Variants in PLCH1 observed in about 807,000 individuals in gnomAD.
PLCH1 encodes the protein 1-phosphatidylinositol 4,5-bisphosphate phosphodiesterase eta-1.
In PLCH1, 60 loss-of-function variants were observed where a neutral mutation model predicts 126.7. The ratio of observed to expected loss-of-function variants is 0.47; its 90% CI spans 0.38 to 0.59. PLCH1 has a LOEUF of 0.59. PLCH1 is among the 20% of genes least tolerant of loss of function. The pLI is 0.00. For missense variants in PLCH1, 1,723 were observed against 2,040.0 expected (o/e 0.84, Z 2.99); for synonymous variants, 719 against 734.9 (o/e 0.98, Z 0.35).
Position 155,500,749 on chromosome 3 carries a change from C to T in PLCH1, c.1750G>A (p.Glu584Lys). 6.2e-7 allele frequency: 1 copy of T among 1,613,780 alleles called. No homozygotes were observed. The highest frequency in any genetic ancestry group is 1.1e-5 in the South Asian group (1 of 91,066). Reference sequence around the variant, plus strand: ...TTGCCAGTACTCTGCTGTGTGTCTTCCTCATCATCAGTACTGTAAGATTTA... The same window carrying T: ...TTGCCAGTACTCTGCTGTGTGTCTTTCTCATCATCAGTACTGTAAGATTTA... The part of the protein sequence containing the change: ...RSKSYSTDDE[E>K]DTQQSTGKEG... The change falls in exon 14 of 23, where the codon GAA becomes AAA. Residue 584 changes from glutamate (E) to lysine (K), a missense_variant. By Grantham distance (56) the Glu-to-Lys change is moderately conservative (BLOSUM62 1). This residue lies in a region of PLCH1 where 776 missense variants were observed against 1,062.9 expected (regional missense o/e 0.73). Coordinates refer to ENST00000460012, the MANE Select transcript of PLCH1 (RefSeq NM_014996.4).
chr3:155,535,192 G>A lies in PLCH1; in HGVS notation c.1363-11188C>T, dbSNP rs545688311. Among the ~76,000 whole-genome samples, 4 of 152,338 alleles carry A rather than the reference G, an allele frequency of 2.6e-5. No individual in the cohort carries two copies. The South Asian group carries it at 8.3e-4, about 32-fold the overall frequency. ...CTTTGGGGAGGCTACCAGTAGAACT[G>A]GGGAAAGAATACAGGGAGAAGGAAA... On this transcript the variant is annotated intron_variant, in intron 10 of 22. Transcript: ENST00000460012.
At chr3:155,726,878 C>CTTTTTTT (rs201977097) in intron 1 of PLCH1, among the ~76,000 whole-genome samples, 15 of 133,108 alleles carry the variant, frequency 1.1e-4, no homozygotes, top group Middle Eastern at 3.9e-3. Context: ...TTTCTTTTTT[C>CTTTTTTT]TTTTTTTTTT....
chr3:155,709,388 A>AT (rs1293471063), intron 1 of PLCH1, among the ~76,000 whole-genome samples: 1 of 152,166 alleles, frequency 6.6e-6, no homozygotes, highest in African/African-American at 2.4e-5. Context: ...ATTTTGTATC[A>AT]TTTTGCATTG....
At chr3:155,454,181 G>A (rs1037379872) in intron 21 of PLCH1, among the ~76,000 whole-genome samples, 2 of 152,126 alleles carry the variant, frequency 1.3e-5, no homozygotes, top group African/African-American at 4.8e-5. Flanking sequence ...GCTATCTGAT[G>A]TACACAGAAG....
At chr3:155,544,153 A>G (rs934621650) in intron 10 of PLCH1, among the ~76,000 whole-genome samples, 1 of 152,224 alleles carries the variant, frequency 6.6e-6, no homozygotes. Flanking sequence ...TCTCACGTGC[A>G]GACACACACA....
At chr3:155,682,587 G>A (rs1048403191) in intron 2 of PLCH1, among the ~76,000 whole-genome samples, 8 of 152,176 alleles carry the variant, frequency 5.3e-5, no homozygotes, top group Admixed American at 3.3e-4. Context: ...GCAACTACAG[G>A]AAGGCAGAGA....
At chr3:155,588,340 C>T (rs373311211) in intron 4 of PLCH1, among the ~76,000 whole-genome samples, 1 of 152,022 alleles carries the variant, frequency 6.6e-6, no homozygotes, top group Admixed American at 6.6e-5. Flanking sequence ...AACCGAAGAA[C>T]CAAAAGGGTG....
chr3:155,660,672 C>A (rs1360401537), intron 2 of PLCH1, among the ~76,000 whole-genome samples: 1 of 152,188 alleles, frequency 6.6e-6, no homozygotes, highest in African/African-American at 2.4e-5. Flanking sequence ...CCTAAAATAA[C>A]TTTTCTATCC....
At position 155,468,507 on chromosome 3, in the gene PLCH1, C is replaced by A. The variant is rs114976400; in HGVS notation, c.2938+16849G>T. 6.7e-3 allele frequency among the ~76,000 whole-genome samples: 1,013 copies of A among 152,220 alleles called. 8 individuals carry two copies. The highest frequency in any genetic ancestry group is 0.023 in the African/African-American group (968 of 41,520). ...GCTGTCTACAAGAAACACACTTCAC[C>A]TACACGGACACACATAGACTGAAAA... On this transcript the variant is annotated intron_variant, in intron 21 of 21. Transcript: ENST00000494598.
intron 11 of PLCH1, among the ~76,000 whole-genome samples, chr3:155,521,858 C>T (rs934390942): frequency 6.6e-5 from 10 of 152,168 alleles, no homozygotes; most frequent in African/African-American, 2.2e-4. Context: ...TAAACATTTA[C>T]AGTTAAGGTG....
Position 155,529,425 on chromosome 3 carries a change from C to G in PLCH1, c.1363-5421G>C, listed in dbSNP as rs1046699761. ...TCATAAGCAACGTTTTATTTACAGG[C>G]ATACCTTAGAATTATTATGAGTGTG... On this transcript the variant is annotated intron_variant, in intron 10 of 22. Coordinates refer to ENST00000460012, the MANE Select transcript of PLCH1 (RefSeq NM_014996.4). 7.9e-5 allele frequency among the ~76,000 whole-genome samples: 12 copies of G among 151,664 alleles called. 1 individual carries two copies. The highest frequency in any genetic ancestry group is 2.9e-4 in the African/African-American group (12 of 41,244).
intron 2 of PLCH1, among the ~76,000 whole-genome samples, chr3:155,607,383 A>T (rs1734496943): frequency 2.0e-5 from 3 of 152,204 alleles, no homozygotes; most frequent in East Asian, 1.9e-4. Flanking sequence ...TCAAAAAAAT[A>T]AAAAAACATG....
chr3:155,653,166 TATAGATATAGATATAGATATAG>T (rs1372504651), intron 2 of PLCH1, among the ~76,000 whole-genome samples: 2 of 138,608 alleles, frequency 1.4e-5, no homozygotes, highest in African/African-American at 5.6e-5. Flanking sequence ...TAGATATAGA[TATAGATATAGATATAGATATAG>T]ATATATAGAT....
Position 155,488,127 on chromosome 3 carries a change from T to C in PLCH1, c.2540-20A>G. On this transcript the variant is annotated intron_variant, in intron 20 of 22. Transcript: ENST00000460012. ...GGTAGCCTGATAAAAGGAAAGAGAG[T>C]CGTTTCTTTTTAGTTGAACTTGCAT... 1 of 1,536,096 alleles carries C rather than the reference T, an allele frequency of 6.5e-7. No individual in the cohort carries two copies. The highest frequency in any genetic ancestry group is 9.0e-7 in the Non-Finnish European group (1 of 1,109,474).
intron 21 of PLCH1, among the ~76,000 whole-genome samples, chr3:155,472,317 A>G (rs1001574215): frequency 3.9e-5 from 6 of 152,256 alleles, no homozygotes; most frequent in Non-Finnish European, 7.3e-5. Context: ...CAAATAAACT[A>G]GAAAATCTAG....
intron 1 of PLCH1, among the ~76,000 whole-genome samples, chr3:155,736,546 C>T (rs1749187204): frequency 6.6e-6 from 1 of 152,214 alleles, no homozygotes. Flanking sequence ...AAGACAGGTT[C>T]AGCTGCTCAG....
intron 12 of PLCH1, among the ~76,000 whole-genome samples, chr3:155,513,110 G>T (rs1383050993): frequency 1.3e-5 from 2 of 152,212 alleles, no homozygotes; most frequent in Non-Finnish European, 2.9e-5. Flanking sequence ...GTAGAAGCTG[G>T]AGTGACGTGC....
intron 2 of PLCH1, among the ~76,000 whole-genome samples, chr3:155,679,482 T>C (rs116249168): frequency 0.012 from 1,779 of 152,322 alleles, 21 homozygotes; most frequent in Non-Finnish European, 0.016. Flanking sequence ...TAGAAGCTAA[T>C]GCAGTAAGTG....
intron 10 of PLCH1, among the ~76,000 whole-genome samples, chr3:155,544,421 C>T (rs1210891527): frequency 6.6e-6 from 1 of 152,166 alleles, no homozygotes; most frequent in Admixed American, 6.5e-5. Flanking sequence ...GACTTAGACT[C>T]CCACACATTA....
Sources: gnomAD v4.1 joint callset for allele counts (sites outside exome capture counted in the v4.1 genomes callset) on GRCh38, gnomAD v4.1.1 for gene constraint, gnomAD v4.1.1 regional missense constraint, MANE v1.5 for transcripts, NCBI Gene and HGNC (gene_info 2026-07-23, HGNC 2026-07-21) for gene names.